The following ADAMTSL3 variants were observed in gnomAD, a reference collection of about 807,000 sequenced individuals.
ADAMTSL3 encodes the protein ADAMTS-like protein 3.
ADAMTSL3 carries 128 observed loss-of-function variants against 201.7 expected under a neutral mutation model. The ratio of observed to expected loss-of-function variants is 0.63; its 90% CI spans 0.55 to 0.73. The LOEUF (loss-of-function observed/expected upper bound fraction) is 0.73. Among genes scored for constraint, ADAMTSL3 ranks in the 30% least tolerant of loss-of-function variants. The pLI, the probability that ADAMTSL3 is intolerant of heterozygous loss-of-function variation, is 0.00. For synonymous variants in ADAMTSL3, 738 were observed against 748.4 expected (o/e 0.99, Z 0.23); for missense variants, 1,990 against 2,119.6 (o/e 0.94, Z 1.20).
intron 19 of ADAMTSL3, among the ~76,000 whole-genome samples, chr15:83,948,411 T>TAC (rs72124987): frequency 0.025 from 3,620 of 145,696 alleles, 83 homozygotes; most frequent in East Asian, 0.092. Context: ...AAAGCTTATT[T>TAC]ACACACACAC....
intron 4 of ADAMTSL3, among the ~76,000 whole-genome samples, chr15:83,782,898 G>A (rs2063195549): frequency 6.9e-6 from 1 of 144,000 alleles, no homozygotes; most frequent in East Asian, 2.0e-4. Context: ...ATAAAAGAAA[G>A]AGCAATGGAT....
chr15:84,008,595 G>A (rs1486070977), intron 23 of ADAMTSL3, among the ~76,000 whole-genome samples: 1 of 151,912 alleles, frequency 6.6e-6, no homozygotes, highest in African/African-American at 2.4e-5. Flanking sequence ...GTCCTCAGAC[G>A]TTTTCTCTTC....
chr15:83,726,018 C>A (rs1316091391), intron 3 of ADAMTSL3, among the ~76,000 whole-genome samples: 1 of 151,994 alleles, frequency 6.6e-6, no homozygotes, highest in Non-Finnish European at 1.5e-5. Flanking sequence ...ATTCTTCCAA[C>A]CCATGAATAT....
At chr15:83,891,248 A>T (rs2065493228) in intron 11 of ADAMTSL3, 81 bp from the exon 12 acceptor site, 1 of 1,200,716 alleles carries the variant, frequency 8.3e-7, no homozygotes, top group South Asian at 1.3e-5. Flanking sequence ...GTCTCTTGGG[A>T]TGTCAAATAT....
intron 3 of ADAMTSL3, among the ~76,000 whole-genome samples, chr15:83,758,107 A>G (rs2062749868): frequency 6.6e-6 from 1 of 152,196 alleles, no homozygotes; most frequent in Non-Finnish European, 1.5e-5. Context: ...CCAAAGTTGC[A>G]TCCACATTTT....
At chr15:83,868,102 C>T (rs1567201394) in intron 8 of ADAMTSL3, among the ~76,000 whole-genome samples, 1 of 152,118 alleles carries the variant, frequency 6.6e-6, no homozygotes. Flanking sequence ...GGAAAGAAGG[C>T]TCACACTCTC....
Position 83,819,818 on chromosome 15 carries a change from C to T in ADAMTSL3, c.371C>T (p.Pro124Leu), listed in dbSNP as rs779056239. The change falls in exon 6 of 30, where the codon CCT becomes CTT. Residue 124 changes from proline to leucine, a missense_variant. Pro to Leu is a moderately conservative substitution (Grantham distance 98). Transcript: ENST00000286744. The part of the protein sequence containing the change: ...RYKTCSNHDC[P>L]PDAEDFRAQQ... The stretch of plus-strand genomic sequence containing the variant: ...TTTTCCCTCTGCCCCCAGGACTGCC[C>T]TCCAGATGCAGAAGATTTCAGAGCC... 2.5e-6 allele frequency: 4 copies of T among 1,613,432 alleles called. No individual in the cohort carries two copies. Among genetic ancestry groups the T allele is most frequent in the African/African-American group, 2.7e-5 (2 of 74,868 alleles).
In ADAMTSL3 at chr15:83,673,751, A is replaced by G. The variant is rs567167190; in HGVS notation, c.69+17921A>G. Among the ~76,000 whole-genome samples the G allele has an allele frequency of 3.3e-5, 5 of 152,366 alleles. No homozygotes were observed. In the East Asian group the frequency reaches 5.8e-4, roughly 18 times the overall value. On this transcript the variant is annotated intron_variant, in intron 2 of 29. Transcript: ENST00000286744. ...CTGTTTTGTAACATAGGATTAGCAC[A>G]TAATTCTGAGGTGCAATTAATGAAT...
At chr15:83,765,089 G>A (rs2062869721) in intron 3 of ADAMTSL3, among the ~76,000 whole-genome samples, 1 of 152,180 alleles carries the variant, frequency 6.6e-6, no homozygotes, top group South Asian at 2.1e-4. Context: ...GAAGAAGAGA[G>A]AAGTAAAACA....
chr15:83,800,904 T>G (rs535549899), intron 4 of ADAMTSL3, among the ~76,000 whole-genome samples: 12 of 152,322 alleles, frequency 7.9e-5, no homozygotes, highest in African/African-American at 2.9e-4. Flanking sequence ...TTTCTTCTTT[T>G]GTTCATACGT....
chr15:83,687,420 C>A (rs553414516), intron 2 of ADAMTSL3, among the ~76,000 whole-genome samples: 1 of 152,286 alleles, frequency 6.6e-6, no homozygotes, highest in East Asian at 1.9e-4. Context: ...AGACTAGCTG[C>A]ATTTAGAATG....
At chr15:83,895,199 G>T (rs554263714) in intron 13 of ADAMTSL3, among the ~76,000 whole-genome samples, 1 of 152,116 alleles carries the variant, frequency 6.6e-6, no homozygotes. Context: ...ATTTTTAAGG[G>T]TCTTTCTACT....
intron 2 of ADAMTSL3, among the ~76,000 whole-genome samples, chr15:83,664,186 T>C (rs1012999313): frequency 5.3e-5 from 8 of 152,226 alleles, no homozygotes; most frequent in Non-Finnish European, 1.0e-4. Flanking sequence ...TATTTTACAT[T>C]AACTGTTAAA....
chr15:83,850,095 A>G (rs144366065), intron 7 of ADAMTSL3, among the ~76,000 whole-genome samples: 1 of 148,254 alleles, frequency 6.7e-6, no homozygotes, highest in East Asian at 1.9e-4. Context: ...GCTCCAAGGA[A>G]GATTAGAAAA....
rs549428634 is a variant in ADAMTSL3 at position 83,915,176 on chromosome 15, A to C, written c.1987+1798A>C. Among the ~76,000 whole-genome samples the C allele has an allele frequency of 2.6e-5, 4 of 152,320 alleles. No individual in the cohort carries two copies. In the East Asian group the frequency reaches 7.7e-4, roughly 29 times the overall value. ...AGAAGCAAGCCCAGCTGTTGCTTGC[A>C]CACCCCAACATCTACCTTGTAATCT... is the stretch of plus-strand genomic sequence containing the variant. On this transcript the variant is annotated intron_variant, in intron 16 of 29. Coordinates refer to ENST00000286744, the MANE Select transcript of ADAMTSL3 (RefSeq NM_207517.3).
At chr15:83,809,872 C>T (rs1262420545) in intron 5 of ADAMTSL3, among the ~76,000 whole-genome samples, 6 of 152,074 alleles carry the variant, frequency 3.9e-5, no homozygotes, top group African/African-American at 1.4e-4. Flanking sequence ...GTCTTTCTCC[C>T]TTCTCTGTCC....
At chr15:83,847,240 G>A (rs1029441627) in intron 7 of ADAMTSL3, among the ~76,000 whole-genome samples, 6 of 152,176 alleles carry the variant, frequency 3.9e-5, no homozygotes, top group African/African-American at 1.4e-4. Context: ...AAAATTTGCT[G>A]TTAATTTCCT....
At chr15:83,993,115 T>TA (rs1165497167) in intron 23 of ADAMTSL3, among the ~76,000 whole-genome samples, 1 of 152,226 alleles carries the variant, frequency 6.6e-6, no homozygotes, top group Non-Finnish European at 1.5e-5. Flanking sequence ...GTAGTGAACT[T>TA]ACAGTGTTTT....
At chr15:84,024,706 C>T (rs1166536044) in intron 26 of ADAMTSL3, among the ~76,000 whole-genome samples, 1 of 152,180 alleles carries the variant, frequency 6.6e-6, no homozygotes, top group African/African-American at 2.4e-5. Context: ...ACTTTAGAGT[C>T]AGATAAATCT....
Sources: gnomAD v4.1 joint callset for allele counts (sites outside exome capture counted in the v4.1 genomes callset) on GRCh38, gnomAD v4.1.1 for gene constraint, MANE v1.5 for transcripts, NCBI Gene and HGNC (gene_info 2026-07-23, HGNC 2026-07-21) for gene names.